The following SHISA5 variants were observed in gnomAD, a reference collection of about 807,000 sequenced individuals.
The protein encoded by SHISA5 is shisa family member 5.
In SHISA5, 21 loss-of-function variants were observed where a neutral mutation model predicts 27.5. The ratio of observed to expected loss-of-function variants is 0.76; its 90% CI spans 0.54 to 1.10. The LOEUF (loss-of-function observed/expected upper bound fraction) is 1.10. Among genes scored for constraint, SHISA5 ranks in the 50% least tolerant of loss-of-function variants. The pLI is 0.00. For missense variants in SHISA5, 314 were observed against 336.3 expected, an observed-to-expected ratio of 0.93 and a Z score of 0.52; for synonymous variants, 137 against 142.2, an observed-to-expected ratio of 0.96 and a Z score of 0.26.
chr3:48,503,006 T>G, intron 1 of SHISA5: 2 of 905,846 alleles, frequency 2.2e-6, no homozygotes, highest in Non-Finnish European at 3.1e-6. Flanking sequence ...ACTGCACTTC[T>G]TGGCAGCTCC....
At position 48,504,035 on chromosome 3, in the gene SHISA5, T is replaced by TAGA; in HGVS notation, c.59_60insTCT (p.Leu20dup). 6.8e-7 allele frequency: 1 copy of TAGA among 1,466,234 alleles called. No homozygotes were observed. 90.8% of individuals were successfully genotyped at this position (1,466,234 alleles called of 1,614,324 possible). On this transcript the variant is annotated inframe_insertion, in exon 1 of 6. Coordinates refer to ENST00000296444, the MANE Select transcript of SHISA5 (RefSeq NM_016479.6). The surrounding 1 kb of genome is among the most constrained non-coding windows in gnomAD (Gnocchi z 4.0). ...CCGGCTCACCACCCGGAGGCGGCGT[T>TAGA]AGCAGCAGCAGCAACAGCAACGGCA...
At chr3:48,483,030 T>C (rs1006840167) in intron 2 of SHISA5, among the ~76,000 whole-genome samples, 7 of 151,866 alleles carry the variant, frequency 4.6e-5, no homozygotes, top group African/African-American at 7.3e-5. Context: ...GCTCAAGTGA[T>C]CCTCCCACCT....
chr3:48,478,646 A>G (rs2040901243), intron 3 of SHISA5, among the ~76,000 whole-genome samples: 1 of 152,074 alleles, frequency 6.6e-6, no homozygotes, highest in Non-Finnish European at 1.5e-5. Flanking sequence ...CTGAGAGGAG[A>G]GTCCTGACAC....
intron 2 of SHISA5, among the ~76,000 whole-genome samples, chr3:48,495,740 C>T (rs1326982960): frequency 2.0e-5 from 3 of 147,480 alleles, no homozygotes; most frequent in Non-Finnish European, 4.4e-5. Context: ...CCAGCCTGAT[C>T]TCGAACTCCA....
chr3:48,475,810 A>G (rs531283623), intron 3 of SHISA5, among the ~76,000 whole-genome samples: 78 of 152,234 alleles, frequency 5.1e-4, no homozygotes, highest in Non-Finnish European at 9.3e-4. Context: ...CAAAACAACC[A>G]GGAGACTATC....
chr3:48,476,622 C>T (rs1267915356), intron 3 of SHISA5, among the ~76,000 whole-genome samples: 1 of 152,162 alleles, frequency 6.6e-6, no homozygotes, highest in African/African-American at 2.4e-5. Flanking sequence ...CTCCTTGGGA[C>T]CCAGACAGGC....
intron 2 of SHISA5, among the ~76,000 whole-genome samples, chr3:48,485,666 C>A (rs969200905): frequency 8.5e-5 from 12 of 140,600 alleles, no homozygotes; most frequent in African/African-American, 3.0e-4. Context: ...TATATAAAAT[C>A]TACATATAAT....
At chr3:48,491,727 A>G (rs1178958213) in intron 2 of SHISA5, among the ~76,000 whole-genome samples, 1 of 151,832 alleles carries the variant, frequency 6.6e-6, no homozygotes, top group African/African-American at 2.4e-5. Context: ...GCTCACTGCA[A>G]CCTCTGCCCC....
At position 48,473,234 on chromosome 3, in the gene SHISA5, C is replaced by A; in HGVS notation, c.315-3391G>T. The A allele has an allele frequency of 2.8e-6, 4 of 1,427,316 alleles. No homozygotes were observed. The highest frequency in any genetic ancestry group is 3.7e-6 in the Non-Finnish European group (4 of 1,094,406). The allele number at this position is 1,427,316 out of a possible 1,614,324, so 88.4% of individuals were successfully genotyped here. A position where few individuals can be genotyped will look rare whatever the true frequency, so the allele number is the denominator to read the frequency against. The stretch of plus-strand genomic sequence containing the variant: ...AGCAGCCGGCTAGCAGCCAAGGAGC[C>A]AAGGGGCGGGGGCCGGGGAGGAGGG... On this transcript the variant is annotated intron_variant, in intron 3 of 5. Coordinates refer to ENST00000296444, the MANE Select transcript of SHISA5 (RefSeq NM_016479.6). The surrounding 1 kb of genome is among the most constrained non-coding windows in gnomAD (Gnocchi z 4.3).
chr3:48,492,150 CAAAAAAAAAAAAAAAAAAAAAAAAAA>C (rs1169630533), intron 2 of SHISA5, among the ~76,000 whole-genome samples: 3 of 18,886 alleles, frequency 1.6e-4, no homozygotes, highest in Admixed American at 5.9e-4. Context: ...GACTCCATCT[CAAAAAAAAAAAAAAAAAAAAAAAAAA>C]AAAAAAAAAA....
intron 2 of SHISA5, among the ~76,000 whole-genome samples, chr3:48,485,291 T>C (rs975690019): frequency 6.7e-6 from 1 of 150,246 alleles, no homozygotes; most frequent in African/African-American, 2.5e-5. Context: ...AGGTCAGGAG[T>C]TCAAGACCAG....
chr3:48,489,478 C>T (rs1221298315), intron 2 of SHISA5, among the ~76,000 whole-genome samples: 2 of 151,830 alleles, frequency 1.3e-5, no homozygotes, highest in African/African-American at 4.8e-5. Flanking sequence ...CGCCACCATG[C>T]CTGGCTAACT....
intron 2 of SHISA5, among the ~76,000 whole-genome samples, chr3:48,500,171 C>T (rs2041712943): frequency 6.6e-6 from 1 of 152,156 alleles, no homozygotes; most frequent in African/African-American, 2.4e-5. Context: ...CAGTAGTGGG[C>T]AAGGGCCAGA....
chr3:48,468,748 G>A lies in SHISA5; in HGVS notation c.*359C>T. ...ACAGGCCCTACTTGGTCACCCTAGGGTAAGCTGGAGAAGAACTCCAGATGT... is the reference window on the plus strand; with the variant it reads ...ACAGGCCCTACTTGGTCACCCTAGGATAAGCTGGAGAAGAACTCCAGATGT... On this transcript the variant is annotated 3_prime_UTR_variant, in exon 6 of 6. Coordinates refer to ENST00000296444, the MANE Select transcript of SHISA5 (RefSeq NM_016479.6). 1 of 1,358,178 alleles carries A rather than the reference G, an allele frequency of 7.4e-7. No individual in the cohort carries two copies. Among genetic ancestry groups the A allele is most frequent in the South Asian group, 1.2e-5 (1 of 81,844 alleles). The allele number at this position is 1,358,178 out of a possible 1,614,324, so 84.1% of individuals were successfully genotyped here. A position where few individuals can be genotyped will look rare whatever the true frequency, so the allele number is the denominator to read the frequency against.
chr3:48,497,681 G>A (rs1006758092), intron 2 of SHISA5, among the ~76,000 whole-genome samples: 1 of 152,064 alleles, frequency 6.6e-6, no homozygotes, highest in Non-Finnish European at 1.5e-5. Flanking sequence ...GAGCCCAGGA[G>A]TTTAAGACAA....
intron 3 of SHISA5, among the ~76,000 whole-genome samples, chr3:48,475,081 T>C (rs1019517389): frequency 6.6e-5 from 10 of 152,174 alleles, no homozygotes; most frequent in Admixed American, 3.3e-4. Flanking sequence ...ATATTTCCAG[T>C]GCCTAGCATA....
At chr3:48,479,043 C>A in intron 3 of SHISA5, 134 bp downstream of exon 3, 1 of 754,788 alleles carries the variant, frequency 1.3e-6, no homozygotes, top group South Asian at 1.7e-5. Flanking sequence ...TCCTAGTGGT[C>A]AGATATGGTG....
chr3:48,504,524 A>T (rs2041846229), upstream of SHISA5: 2 of 158,402 alleles, frequency 1.3e-5, no homozygotes, highest in African/African-American at 2.4e-5. This position sits in a 1 kb window ranked among gnomAD's most constrained non-coding sequence, Gnocchi z 4.0. Context: ...GGGCTGGGGG[A>T]CAGCCACAGC....
rs754861483 is a variant in SHISA5 at position 48,469,806 on chromosome 3, C to T, written c.352G>A (p.Val118Met). The change falls in exon 4 of 6, where the codon GTG (valine) becomes ATG (methionine). Residue 118 changes from valine to methionine, a missense_variant. Coordinates refer to ENST00000296444, the MANE Select transcript of SHISA5 (RefSeq NM_016479.6). The surrounding 1 kb of genome is among the most constrained non-coding windows in gnomAD (Gnocchi z 4.6). ...ATGATGATAGTGACGACAGACAGCA[C>T]AAAGATGGTCAGGCCAACGGCCAAG... ...ATLAVGLTIFVLSVVTIIICF... is the reference protein window; with the variant it reads ...ATLAVGLTIFMLSVVTIIICF... The T allele has an allele frequency of 5.6e-6, 9 of 1,613,970 alleles. No individual in the cohort carries two copies. The highest frequency in any genetic ancestry group is 7.6e-6 in the Non-Finnish European group (9 of 1,179,996).
Sources: gnomAD v4.1 joint callset for allele counts (sites outside exome capture counted in the v4.1 genomes callset) on GRCh38, gnomAD v4.1.1 for gene constraint, Gnocchi (gnomAD v3.1) non-coding constraint, MANE v1.5 for transcripts, NCBI Gene and HGNC (gene_info 2026-07-23, HGNC 2026-07-21) for gene names.